SDK1: variants seen among roughly 807,000 people sequenced by gnomAD.
SDK1 encodes sidekick cell adhesion molecule 1, also known as protein sidekick-1.
Under a neutral mutation model 245.5 loss-of-function variants are expected in SDK1, and 157 were observed. The ratio of observed to expected loss-of-function variants is 0.64; its 90% CI spans 0.56 to 0.73. The LOEUF (loss-of-function observed/expected upper bound fraction) is 0.73. Ranked by LOEUF, SDK1 falls within the 30% of genes least tolerant of loss-of-function variation. The pLI, the probability that SDK1 is intolerant of heterozygous loss-of-function variation, is 0.00. For missense variants in SDK1, 3,583 were observed against 3,002.3 expected (o/e 1.19, Z -4.52); for synonymous variants, 1,647 against 1,278.5 (o/e 1.29, Z -6.15).
intron 5 of SDK1, among the ~76,000 whole-genome samples, chr7:3,829,877 G>A (rs1043291568): frequency 1.1e-4 from 17 of 152,316 alleles, no homozygotes; most frequent in African/African-American, 4.1e-4. Flanking sequence ...TGCAACCCCA[G>A]TGAGGCACGT....
At chr7:3,796,524 C>T (rs553541228) in intron 4 of SDK1, among the ~76,000 whole-genome samples, 4 of 152,012 alleles carry the variant, frequency 2.6e-5, no homozygotes, top group East Asian at 1.9e-4. Context: ...CCCTCTCCCC[C>T]CCAGCCTACA....
chr7:4,266,122 T>C lies in SDK1; in HGVS notation c.*738T>C. The C allele has an allele frequency of 1.0e-6, 1 of 985,488 alleles. No homozygotes were observed. Among genetic ancestry groups the C allele is most frequent in the East Asian group, 1.1e-4 (1 of 8,812 alleles). The allele number at this position is 985,488 out of a possible 1,614,324, so 61.0% of individuals were successfully genotyped here. ...GAGGGAGAGGGAAGCCTCTTAGGGC[T>C]GGAAGCCACCACGCTGGCCCTCTCC... On this transcript the variant is annotated 3_prime_UTR_variant, in exon 45 of 45. Transcript: ENST00000404826.
At chr7:3,964,179 G>A (rs140571624) in intron 9 of SDK1, among the ~76,000 whole-genome samples, 262 of 152,338 alleles carry the variant, frequency 1.7e-3, no homozygotes, top group South Asian at 3.3e-3. Flanking sequence ...AACAGAAGGG[G>A]TAATGTGGCC....
At chr7:3,600,853 A>T (rs1176068391) in intron 1 of SDK1, among the ~76,000 whole-genome samples, 1 of 152,116 alleles carries the variant, frequency 6.6e-6, no homozygotes, top group African/African-American at 2.4e-5. Flanking sequence ...TGGCCAATGT[A>T]GGTTTTTAAA....
intron 1 of SDK1, among the ~76,000 whole-genome samples, chr7:3,509,657 C>G (rs1462239139): frequency 6.6e-6 from 1 of 152,144 alleles, no homozygotes; most frequent in African/African-American, 2.4e-5. Context: ...CTCAACTGTG[C>G]TTACCTGCAT....
intron 1 of SDK1, among the ~76,000 whole-genome samples, chr7:3,448,578 C>T (rs2048866402): frequency 6.6e-6 from 1 of 151,870 alleles, no homozygotes; most frequent in South Asian, 2.1e-4. Context: ...ATGAATGTTA[C>T]TGTCTTATTT....
At chr7:3,662,196 A>G (rs893566048) in intron 4 of SDK1, among the ~76,000 whole-genome samples, 3 of 152,160 alleles carry the variant, frequency 2.0e-5, no homozygotes, top group African/African-American at 4.8e-5. Context: ...CTCAATAACA[A>G]TAGGTAAAAT....
At chr7:3,587,494 A>G (rs530176215) in intron 1 of SDK1, among the ~76,000 whole-genome samples, 2 of 152,156 alleles carry the variant, frequency 1.3e-5, no homozygotes, top group Non-Finnish European at 2.9e-5. Flanking sequence ...CTAAAGGCCT[A>G]AGAACCAGGA....
chr7:3,943,405 C>T (rs1050961943), intron 5 of SDK1, among the ~76,000 whole-genome samples: 4 of 143,784 alleles, frequency 2.8e-5, no homozygotes, highest in African/African-American at 1.0e-4. Context: ...TCCTCCTCCT[C>T]CGTCCTCCCC....
chr7:3,731,313 G>C (rs75857255), intron 4 of SDK1, among the ~76,000 whole-genome samples: 101 of 152,294 alleles, frequency 6.6e-4, no homozygotes, highest in African/African-American at 2.4e-3. Context: ...GCTTCTACAA[G>C]CTGCTGCTTA....
chr7:3,588,078 A>C (rs1407607262), intron 1 of SDK1, among the ~76,000 whole-genome samples: 1 of 152,192 alleles, frequency 6.6e-6, no homozygotes, highest in Non-Finnish European at 1.5e-5. Flanking sequence ...TCCTAGGTCA[A>C]TCTTTGGTGG....
intron 4 of SDK1, among the ~76,000 whole-genome samples, chr7:3,807,498 G>A (rs1324779874): frequency 6.6e-6 from 1 of 152,116 alleles, no homozygotes; most frequent in African/African-American, 2.4e-5. Context: ...TCTACCATAG[G>A]CCAGGCCTTT....
intron 4 of SDK1, among the ~76,000 whole-genome samples, chr7:3,788,305 A>G (rs992698276): frequency 3.3e-5 from 5 of 152,272 alleles, no homozygotes; most frequent in East Asian, 3.9e-4. Context: ...GTCTCCCTCC[A>G]TCGCCCATAA....
At chr7:4,189,069 AT>A (rs1783046417) in intron 35 of SDK1, among the ~76,000 whole-genome samples, 2 of 152,180 alleles carry the variant, frequency 1.3e-5, no homozygotes, top group Non-Finnish European at 2.9e-5. Flanking sequence ...AAAAAAGCAA[AT>A]GCTCCTGGGA....
intron 1 of SDK1, among the ~76,000 whole-genome samples, chr7:3,414,057 G>A (rs1779291050): frequency 6.6e-6 from 1 of 152,158 alleles, no homozygotes; most frequent in African/African-American, 2.4e-5. Context: ...TATGTTTTGG[G>A]CTGGGCTGTA....
chr7:3,601,069 A>T (rs989378437), intron 1 of SDK1, among the ~76,000 whole-genome samples: 1 of 152,036 alleles, frequency 6.6e-6, no homozygotes, highest in Non-Finnish European at 1.5e-5. Context: ...TACCTAGAAG[A>T]TACTCTACTT....
intron 2 of SDK1, among the ~76,000 whole-genome samples, chr7:3,624,928 C>T (rs998512460): frequency 1.3e-5 from 2 of 151,946 alleles, no homozygotes; most frequent in African/African-American, 4.8e-5. Context: ...GCCTGTAATC[C>T]CAGCTACTCG....
chr7:3,535,619 A>T (rs1160454009), intron 1 of SDK1, among the ~76,000 whole-genome samples: 1 of 152,102 alleles, frequency 6.6e-6, no homozygotes, highest in Non-Finnish European at 1.5e-5. Flanking sequence ...TAGCATCCTT[A>T]TATTTGTAAT....
intron 2 of SDK1, among the ~76,000 whole-genome samples, chr7:3,626,348 T>C (rs1782121386): frequency 6.6e-6 from 1 of 152,204 alleles, no homozygotes; most frequent in South Asian, 2.1e-4. Flanking sequence ...AAGAGTCCCT[T>C]CTAAGAAGAT....
Sources: allele counts gnomAD v4.1 joint callset (sites outside exome capture counted in the v4.1 genomes callset), GRCh38; gene constraint gnomAD v4.1.1; transcripts MANE v1.5; gene names NCBI Gene and HGNC (gene_info 2026-07-23, HGNC 2026-07-21).